MARCHF1: variants seen among roughly 807,000 people sequenced by gnomAD.
MARCHF1 encodes E3 ubiquitin-protein ligase MARCHF1.
A neutral mutation model predicts 54.2 loss-of-function variants in MARCHF1; 40 were observed. That is an observed-to-expected ratio of 0.74 (90% confidence interval 0.57 to 0.96). The LOEUF (loss-of-function observed/expected upper bound fraction) is 0.96, where lower values mean the gene tolerates loss of function less well. MARCHF1 is among the 40% of genes least tolerant of loss of function. The pLI, the probability that MARCHF1 is intolerant of heterozygous loss-of-function variation, is 0.00. For synonymous variants in MARCHF1, 236 were observed against 236.3 expected, an observed-to-expected ratio of 1.00 and a Z score of 0.01; for missense variants, 586 against 656.5, an observed-to-expected ratio of 0.89 and a Z score of 1.17.
chr4:163,734,418 A>G lies in MARCHF1; in HGVS notation c.112-33555T>C, dbSNP rs78066434. Among the ~76,000 whole-genome samples the G allele has an allele frequency of 7.5e-3, 1,149 of 152,252 alleles. 8 individuals are homozygous for G. Among genetic ancestry groups the G allele is most frequent in the South Asian group, 0.022 (104 of 4,818 alleles). On this transcript the variant is annotated intron_variant, in intron 4 of 9. Transcript: ENST00000514618. The stretch of plus-strand genomic sequence containing the variant: ...CTTTCTAACAGCAAAATACTGGGGA[A>G]AAAAACTAAATACCGGTGAAATTTC...
At chr4:163,873,757 G>A (rs1168995520) in intron 3 of MARCHF1, among the ~76,000 whole-genome samples, 2 of 152,196 alleles carry the variant, frequency 1.3e-5, no homozygotes, top group Non-Finnish European at 2.9e-5. Context: ...AGGCATAGCA[G>A]CTCTATATGT....
At chr4:164,007,783 A>T (rs1753330164) in intron 2 of MARCHF1, among the ~76,000 whole-genome samples, 1 of 152,006 alleles carries the variant, frequency 6.6e-6, no homozygotes, top group Non-Finnish European at 1.5e-5. Flanking sequence ...TTATTTTTGT[A>T]ACCCTTGTGG....
At chr4:163,734,895 C>A (rs946979617) in intron 4 of MARCHF1, among the ~76,000 whole-genome samples, 16 of 152,144 alleles carry the variant, frequency 1.1e-4, no homozygotes, top group Non-Finnish European at 2.4e-4. Flanking sequence ...GCTCATTGCC[C>A]TCTAATGTCT....
chr4:163,618,685 C>T lies in MARCHF1; in HGVS notation c.163-5292G>A, dbSNP rs76012910. The stretch of plus-strand genomic sequence containing the variant: ...CCAGTTAAAATAAAATGAATCCTAG[C>T]TTGTTTCACTGTCGATTCATTTGCT... On this transcript the variant is annotated intron_variant, in intron 5 of 9. Coordinates refer to ENST00000514618, the MANE Select transcript of MARCHF1 (RefSeq NM_001394959.1). Among the ~76,000 whole-genome samples the T allele has an allele frequency of 7.7e-3, 1,167 of 152,184 alleles. 6 individuals carry two copies. The highest frequency in any genetic ancestry group is 0.027 in the African/African-American group (1,120 of 41,518).
At chr4:163,736,549 T>TGG (rs10539755) in intron 4 of MARCHF1, among the ~76,000 whole-genome samples, 30 of 132,374 alleles carry the variant, frequency 2.3e-4, no homozygotes, top group Non-Finnish European at 3.5e-4. Flanking sequence ...AAGGGTTGGG[T>TGG]GGGGGGGGGG....
chr4:163,790,663 T>C (rs1358311590), intron 4 of MARCHF1, among the ~76,000 whole-genome samples: 2 of 152,130 alleles, frequency 1.3e-5, no homozygotes, highest in Admixed American at 6.6e-5. Flanking sequence ...ATAAGCATAA[T>C]TTTTTCACAC....
At position 164,236,797 on chromosome 4, in the gene MARCHF1, T is replaced by C. The variant is rs1412829441; in HGVS notation, c.-322-125135A>G. ...TATAACCCAAATGATTAATATGCTCTATTTGGAACACCTTTCAAGTAGCAG... is the reference window on the plus strand; with the variant it reads ...TATAACCCAAATGATTAATATGCTCCATTTGGAACACCTTTCAAGTAGCAG... On this transcript the variant is annotated intron_variant, in intron 1 of 9. Transcript: ENST00000514618. Among the ~76,000 whole-genome samples, 4 of 152,192 alleles carry C rather than the reference T, an allele frequency of 2.6e-5. No individual in the cohort carries two copies. In the East Asian group the frequency reaches 7.7e-4, roughly 29 times the overall value.
At chr4:163,652,099 T>C (rs1277243751) in intron 5 of MARCHF1, among the ~76,000 whole-genome samples, 2 of 151,850 alleles carry the variant, frequency 1.3e-5, no homozygotes, top group African/African-American at 2.4e-5. Context: ...AGATGGATAA[T>C]GCCTATTTAT....
At chr4:164,176,906 A>G (rs1268354802) in intron 1 of MARCHF1, among the ~76,000 whole-genome samples, 3 of 142,078 alleles carry the variant, frequency 2.1e-5, no homozygotes, top group Non-Finnish European at 4.6e-5. Context: ...TTTTTTTCTT[A>G]AATTCAATTT....
chr4:163,937,162 C>A (rs1751814124), intron 3 of MARCHF1, among the ~76,000 whole-genome samples: 1 of 152,048 alleles, frequency 6.6e-6, no homozygotes, highest in Non-Finnish European at 1.5e-5. Flanking sequence ...AACCTCAAGA[C>A]TAAATCCTAA....
chr4:164,367,600 C>T (rs1730910880), intron 1 of MARCHF1, among the ~76,000 whole-genome samples: 1 of 135,664 alleles, frequency 7.4e-6, no homozygotes, highest in Admixed American at 8.0e-5. Context: ...CACCAATATT[C>T]ACTTGGTAGG....
chr4:164,344,457 T>TG (rs1491054675), intron 1 of MARCHF1, among the ~76,000 whole-genome samples: 2 of 141,434 alleles, frequency 1.4e-5, no homozygotes, highest in African/African-American at 5.6e-5. Context: ...CATGCACGTG[T>TG]TTGTGTGTGT....
chr4:164,147,907 C>T (rs1414468584), intron 1 of MARCHF1, among the ~76,000 whole-genome samples: 1 of 151,890 alleles, frequency 6.6e-6, no homozygotes, highest in African/African-American at 2.4e-5. Context: ...TTGATTTAGC[C>T]TTTCCATTAA....
chr4:163,962,818 G>C (rs184945779), intron 3 of MARCHF1, among the ~76,000 whole-genome samples: 1 of 151,644 alleles, frequency 6.6e-6, no homozygotes, highest in Admixed American at 6.6e-5. Flanking sequence ...TTTTTAAAGC[G>C]ATTTTTAAAA....
At chr4:163,875,849 G>T (rs924820907) in intron 3 of MARCHF1, among the ~76,000 whole-genome samples, 1 of 152,082 alleles carries the variant, frequency 6.6e-6, no homozygotes, top group Non-Finnish European at 1.5e-5. Flanking sequence ...TTGATCAGGG[G>T]TACCAAAGAG....
intron 1 of MARCHF1, among the ~76,000 whole-genome samples, chr4:164,262,411 T>A (rs1340043360): frequency 6.6e-6 from 1 of 152,114 alleles, no homozygotes; most frequent in African/African-American, 2.4e-5. Flanking sequence ...AGAGATGAGG[T>A]CATTGATAGG....
intron 7 of MARCHF1, among the ~76,000 whole-genome samples, chr4:163,591,436 A>T (rs1740590949): frequency 1.3e-5 from 2 of 152,210 alleles, no homozygotes; most frequent in South Asian, 4.1e-4. Context: ...TACCACACAG[A>T]TACAGTCTCT....
rs1738139883 is a variant in MARCHF1 at position 163,527,149 on chromosome 4, T to G, written c.*1599A>C. 1 of 152,060 alleles carries G rather than the reference T, an allele frequency of 6.6e-6. No individual in the cohort carries two copies. Among genetic ancestry groups the G allele is most frequent in the Non-Finnish European group, 1.5e-5 (1 of 67,946 alleles). The allele number at this position is 152,060 out of a possible 1,614,324, so 9.4% of individuals were successfully genotyped here. A position where few individuals can be genotyped will look rare whatever the true frequency, so the allele number is the denominator to read the frequency against. On this transcript the variant is annotated 3_prime_UTR_variant, in exon 10 of 10. Transcript: ENST00000514618. ...GTCACCTTTTTTAATGTAGGACATCTTTCTTTGACAGGCTACTGTATCTAT... is the reference window on the plus strand; with the variant it reads ...GTCACCTTTTTTAATGTAGGACATCGTTCTTTGACAGGCTACTGTATCTAT...
At position 164,198,910 on chromosome 4, in the gene MARCHF1, A is replaced by C. The variant is rs561903338; in HGVS notation, c.-322-87248T>G. ...AGAATATGAGCAATAGATTCAAAAA[A>C]CTAAAAGGCTAAAATTCTAGGCAAA... On this transcript the variant is annotated intron_variant, in intron 1 of 9. Coordinates refer to ENST00000514618, the MANE Select transcript of MARCHF1 (RefSeq NM_001394959.1). 4.6e-5 allele frequency among the ~76,000 whole-genome samples: 7 copies of C among 152,348 alleles called. 1 individual carries two copies. In the South Asian group the frequency reaches 1.2e-3, roughly 27 times the overall value.
Sources: gnomAD v4.1 joint callset for allele counts (sites outside exome capture counted in the v4.1 genomes callset) on GRCh38, gnomAD v4.1.1 for gene constraint, MANE v1.5 for transcripts, NCBI Gene and HGNC (gene_info 2026-07-23, HGNC 2026-07-21) for gene names.